Variants in SNCAIP observed in about 807,000 individuals in gnomAD.
SNCAIP encodes the protein synuclein alpha interacting protein.
In SNCAIP, 43 loss-of-function variants were observed where a neutral mutation model predicts 86.7. The ratio of observed to expected loss-of-function variants is 0.50; its 90% CI spans 0.39 to 0.64. The LOEUF is 0.64. Ranked by LOEUF, SNCAIP falls within the 30% of genes least tolerant of loss-of-function variation. The pLI, the probability that SNCAIP is intolerant of heterozygous loss-of-function variation, is 0.00. For synonymous variants in SNCAIP, 417 were observed against 427.2 expected, an observed-to-expected ratio of 0.98 and a Z score of 0.29; for missense variants, 981 against 1,103.1, an observed-to-expected ratio of 0.89 and a Z score of 1.57.
chr5:122,448,238 G>A (rs1782751884), intron 8 of SNCAIP, among the ~76,000 whole-genome samples: 1 of 152,108 alleles, frequency 6.6e-6, no homozygotes, highest in Non-Finnish European at 1.5e-5. Flanking sequence ...GAGAGCTGCT[G>A]TCATTTTTTT....
At chr5:122,345,239 G>A (rs1758363563) in intron 1 of SNCAIP, among the ~76,000 whole-genome samples, 1 of 152,058 alleles carries the variant, frequency 6.6e-6, no homozygotes, top group Admixed American at 6.6e-5. Flanking sequence ...TTGGTTTATT[G>A]GAATGCCCTC....
chr5:122,374,074 T>G (rs1170535556), intron 1 of SNCAIP, among the ~76,000 whole-genome samples: 1 of 152,132 alleles, frequency 6.6e-6, no homozygotes, highest in Non-Finnish European at 1.5e-5. Flanking sequence ...TGGGAAAATT[T>G]TTTTCGTTCT....
intron 1 of SNCAIP, among the ~76,000 whole-genome samples, chr5:122,378,905 G>C (rs1338485235): frequency 6.9e-6 from 1 of 144,956 alleles, no homozygotes; most frequent in Non-Finnish European, 1.5e-5. Flanking sequence ...CTATATCTCT[G>C]TTTTGGTACC....
chr5:122,374,519 C>G (rs1196718553), intron 1 of SNCAIP, among the ~76,000 whole-genome samples: 1 of 152,014 alleles, frequency 6.6e-6, no homozygotes, highest in Non-Finnish European at 1.5e-5. Context: ...GAAAACAGAC[C>G]CTGTCATTGG....
intron 3 of SNCAIP, among the ~76,000 whole-genome samples, chr5:122,410,694 A>G (rs1465435098): frequency 1.3e-5 from 2 of 152,060 alleles, no homozygotes; most frequent in Non-Finnish European, 2.9e-5. Context: ...GTAGTGGCAC[A>G]CCTCTGTAAT....
chr5:122,425,051 G>A (rs1777090277), intron 4 of SNCAIP, among the ~76,000 whole-genome samples: 2 of 152,158 alleles, frequency 1.3e-5, no homozygotes, highest in Admixed American at 6.5e-5. Flanking sequence ...AGACAGACAG[G>A]GAACCTGACA....
At chr5:122,446,813 G>A (rs1431822174) in intron 8 of SNCAIP, among the ~76,000 whole-genome samples, 1 of 152,136 alleles carries the variant, frequency 6.6e-6, no homozygotes, top group Non-Finnish European at 1.5e-5. Flanking sequence ...CAAAATTCTG[G>A]GGGAAGACAG....
At chr5:122,458,357 C>T (rs1468916145) in intron 10 of SNCAIP, among the ~76,000 whole-genome samples, 1 of 152,088 alleles carries the variant, frequency 6.6e-6, no homozygotes, top group African/African-American at 2.4e-5. Context: ...CCACCCCCAC[C>T]CTCCTTTCCT....
intron 1 of SNCAIP, among the ~76,000 whole-genome samples, chr5:122,362,133 C>A (rs1762328590): frequency 6.6e-6 from 1 of 152,174 alleles, no homozygotes; most frequent in Admixed American, 6.5e-5. Context: ...TAACAACTAA[C>A]CCTCTGTTGA....
At chr5:122,448,579 ATTTTATATATAT>A (rs1267869930) in intron 8 of SNCAIP, among the ~76,000 whole-genome samples, 1 of 123,902 alleles carries the variant, frequency 8.1e-6, no homozygotes, top group East Asian at 2.3e-4. Flanking sequence ...ATCCTTCCAT[ATTTTATATATAT>A]TTTTATATAT....
At chr5:122,312,622 A>T (rs1042430313) in intron 1 of SNCAIP, 3 of 152,310 alleles carry the variant, frequency 2.0e-5, no homozygotes, top group Non-Finnish European at 4.4e-5. Flanking sequence ...GTCACCCGGG[A>T]TCTTATCGCA....
chr5:122,401,135 G>A, intron 2 of SNCAIP: 1 of 1,548,498 alleles, frequency 6.5e-7, no homozygotes, highest in African/African-American at 1.4e-5. Flanking sequence ...AGGTATGTTG[G>A]CGAACTGACA....
intron 1 of SNCAIP, chr5:122,389,349 T>C (rs769899394): frequency 2.6e-5 from 4 of 152,130 alleles, no homozygotes; most frequent in Non-Finnish European, 4.4e-5. Context: ...ACCAAGGCCG[T>C]GGGAACAGAG....
At chr5:122,457,801 G>A (rs187034125) in intron 10 of SNCAIP, among the ~76,000 whole-genome samples, 87 of 152,300 alleles carry the variant, frequency 5.7e-4, no homozygotes, top group African/African-American at 1.5e-3. Flanking sequence ...TGAATTAAGC[G>A]ACAGTTCCTT....
intron 1 of SNCAIP, among the ~76,000 whole-genome samples, chr5:122,352,413 G>A (rs962719436): frequency 2.6e-5 from 4 of 152,116 alleles, no homozygotes; most frequent in Non-Finnish European, 5.9e-5. Context: ...TATCTTCTCT[G>A]ATTTACTGAG....
intron 1 of SNCAIP, among the ~76,000 whole-genome samples, chr5:122,352,120 T>C (rs779212060): frequency 1.1e-4 from 16 of 152,188 alleles, no homozygotes; most frequent in African/African-American, 1.7e-4. Context: ...AAGTTACTTA[T>C]CTTTTTGTTT....
At chr5:122,339,573 GAC>G (rs1422878551) in intron 1 of SNCAIP, among the ~76,000 whole-genome samples, 1 of 152,138 alleles carries the variant, frequency 6.6e-6, no homozygotes, top group Non-Finnish European at 1.5e-5. Context: ...TCCAAAATTG[GAC>G]ACCACCTTCC....
chr5:122,448,661 T>TCA (rs1561796639), intron 8 of SNCAIP, among the ~76,000 whole-genome samples: 1 of 110,940 alleles, frequency 9.0e-6, no homozygotes, highest in Non-Finnish European at 1.9e-5. Context: ...TTTATATATA[T>TCA]TATATATATT....
chr5:122,410,475 A>G (rs1260558551), intron 3 of SNCAIP, among the ~76,000 whole-genome samples: 1 of 152,334 alleles, frequency 6.6e-6, no homozygotes, highest in African/African-American at 2.4e-5. Context: ...ATGTTCATAA[A>G]GATGGGGGCA....
Sources: allele counts gnomAD v4.1 joint callset (sites outside exome capture counted in the v4.1 genomes callset), GRCh38; gene constraint gnomAD v4.1.1; transcripts MANE v1.5; gene names NCBI Gene and HGNC (gene_info 2026-07-23, HGNC 2026-07-21).